Variants in GAS7 observed in about 807,000 individuals in gnomAD.
The protein encoded by GAS7 is growth arrest-specific protein 7.
In GAS7, 28 loss-of-function variants were observed where a neutral mutation model predicts 71.1. The observed-to-expected ratio is 0.39, with a 90% CI of 0.29 to 0.54. GAS7 has a LOEUF of 0.54. Among genes scored for constraint, GAS7 ranks in the 20% least tolerant of loss-of-function variants. The pLI is 0.62. For synonymous variants in GAS7, 258 were observed against 245.8 expected (o/e 1.05, Z -0.46); for missense variants, 436 against 627.8 (o/e 0.69, Z 3.27).
rs1046769083 is a variant in GAS7, at chr17:9,959,044, T to C, written c.525+158A>G. The C allele has an allele frequency of 3.0e-6, 4 of 1,328,796 alleles. No individual in the cohort carries two copies. Among genetic ancestry groups the C allele is most frequent in the Admixed American group, 2.8e-5 (1 of 35,164 alleles). The allele number at this position is 1,328,796 out of a possible 1,614,324, so 82.3% of individuals were successfully genotyped here. ...AGGAGAAGGGGAGGTGGGAGGGGCA[T>C]GTGGATGGGGAACTTGAGTGAAATC... is the stretch of plus-strand genomic sequence containing the variant. On this transcript the variant is annotated intron_variant, in intron 5 of 13. Coordinates refer to ENST00000432992, the MANE Select transcript of GAS7 (RefSeq NM_201433.2). The surrounding 1 kb of genome is among the most constrained non-coding windows in gnomAD (Gnocchi z 5.0).
chr17:10,021,917 T>G (rs931471464), intron 1 of GAS7, among the ~76,000 whole-genome samples: 1 of 152,038 alleles, frequency 6.6e-6, no homozygotes, highest in Non-Finnish European at 1.5e-5. Flanking sequence ...TTCTGTCCAA[T>G]AGGATTAGAA....
In GAS7 at chr17:9,926,560, G is replaced by A. The variant is rs1015884905; in HGVS notation, c.1014+81C>T. On this transcript the variant is annotated intron_variant, in intron 10 of 13. Coordinates refer to ENST00000432992, the MANE Select transcript of GAS7 (RefSeq NM_201433.2). The surrounding 1 kb of genome is among the most constrained non-coding windows in gnomAD (Gnocchi z 5.0). ...CAAAGACTCAGCCTTGGCGTATGGA[G>A]CCACTGCTGGCTTCCCAGTCCCCCT... 28 of 1,440,236 alleles carry A rather than the reference G, an allele frequency of 1.9e-5. No individual in the cohort carries two copies. The highest frequency in any genetic ancestry group is 2.6e-5 in the Non-Finnish European group (27 of 1,033,796). The allele number at this position is 1,440,236 out of a possible 1,614,324, so 89.2% of individuals were successfully genotyped here. A position where few individuals can be genotyped will look rare whatever the true frequency, so the allele number is the denominator to read the frequency against.
chr17:10,111,434 G>GTAGTCTC, intron 1 of GAS7, among the ~76,000 whole-genome samples: 1 of 152,272 alleles, frequency 6.6e-6, no homozygotes, highest in Admixed American at 6.5e-5. Context: ...TTGGGAGGCT[G>GTAGTCTC]AGGCAGGAGA....
chr17:10,062,897 C>T (rs1267944215), intron 1 of GAS7, among the ~76,000 whole-genome samples: 2 of 152,222 alleles, frequency 1.3e-5, no homozygotes, highest in Admixed American at 1.3e-4. Context: ...CTGTGGGTAG[C>T]CGAGCAGTCC....
chr17:10,014,674 C>T (rs1374418943), intron 2 of GAS7, among the ~76,000 whole-genome samples: 2 of 152,118 alleles, frequency 1.3e-5, no homozygotes, highest in East Asian at 1.9e-4. Flanking sequence ...CTCCCTTCCT[C>T]GAGCCCCCAG....
At chr17:10,036,641 G>A (rs931188492) in intron 1 of GAS7, 16 of 1,431,732 alleles carry the variant, frequency 1.1e-5, no homozygotes, top group African/African-American at 7.2e-5. Context: ...GCTCATTGCT[G>A]TTCTTTCACA....
intron 1 of GAS7, among the ~76,000 whole-genome samples, chr17:10,140,952 G>T (rs2074075029): frequency 6.6e-6 from 1 of 152,252 alleles, no homozygotes; most frequent in Admixed American, 6.5e-5. Flanking sequence ...AGCAGGGAGT[G>T]GGACACAGAG....
chr17:9,932,031 T>C (rs563131552), intron 9 of GAS7, among the ~76,000 whole-genome samples: 244 of 152,266 alleles, frequency 1.6e-3, no homozygotes, highest in African/African-American at 5.8e-3. Flanking sequence ...CGACCATCTC[T>C]GAGGGATGCT....
intron 1 of GAS7, among the ~76,000 whole-genome samples, chr17:10,141,476 C>G (rs112830163): frequency 0.016 from 2,489 of 152,132 alleles, 73 homozygotes; most frequent in African/African-American, 0.057. Context: ...GAATGAGTGC[C>G]TGAGCACCCC....
At chr17:10,159,316 C>G (rs748831007) in intron 1 of GAS7, among the ~76,000 whole-genome samples, 41 of 151,624 alleles carry the variant, frequency 2.7e-4, no homozygotes, top group Non-Finnish European at 5.3e-4. Context: ...AGGTGAATAC[C>G]CAACACAAAT....
intron 2 of GAS7, among the ~76,000 whole-genome samples, chr17:10,015,403 T>A (rs926245546): frequency 6.6e-6 from 1 of 152,132 alleles, no homozygotes; most frequent in African/African-American, 2.4e-5. Context: ...TTCTGGGCAC[T>A]GGGCTAGCAT....
chr17:9,992,754 C>A (rs552354269), intron 2 of GAS7, among the ~76,000 whole-genome samples: 1 of 144,682 alleles, frequency 6.9e-6, no homozygotes, highest in South Asian at 2.3e-4. Context: ...TCCCTCCCCC[C>A]TCCCCCAACC....
chr17:9,991,404 G>T (rs999135801), intron 2 of GAS7, among the ~76,000 whole-genome samples: 2 of 152,188 alleles, frequency 1.3e-5, no homozygotes, highest in Non-Finnish European at 2.9e-5. Flanking sequence ...TTGGTGGGGA[G>T]CAGGGGCTCC....
At chr17:10,009,623 G>A (rs1256410019) in intron 2 of GAS7, among the ~76,000 whole-genome samples, 1 of 146,422 alleles carries the variant, frequency 6.8e-6, no homozygotes, top group African/African-American at 2.5e-5. Context: ...AGGATTGCTT[G>A]AGCCCGGAGT....
chr17:10,172,456 G>C (rs929790780), intron 1 of GAS7, among the ~76,000 whole-genome samples: 1 of 151,878 alleles, frequency 6.6e-6, no homozygotes, highest in Admixed American at 6.6e-5. Flanking sequence ...GCAGAGGAAA[G>C]AAGAAAGGAA....
At chr17:10,052,557 G>A (rs1280380739) in intron 1 of GAS7, among the ~76,000 whole-genome samples, 1 of 152,238 alleles carries the variant, frequency 6.6e-6, no homozygotes, top group Non-Finnish European at 1.5e-5. Context: ...GCTGTGAGCA[G>A]TTTTGTTTTT....
chr17:10,062,054 A>C (rs887121757), intron 1 of GAS7, among the ~76,000 whole-genome samples: 7 of 152,206 alleles, frequency 4.6e-5, no homozygotes. Flanking sequence ...AGACACACTG[A>C]CCAGGCTTCA....
chr17:9,968,515 G>A (rs1211522224), intron 4 of GAS7, among the ~76,000 whole-genome samples: 8 of 152,266 alleles, frequency 5.3e-5, no homozygotes, highest in Non-Finnish European at 1.0e-4. Flanking sequence ...GAACTGAATC[G>A]AAGCCCAACA....
intron 1 of GAS7, among the ~76,000 whole-genome samples, chr17:10,126,175 T>C (rs138541101): frequency 3.3e-5 from 5 of 152,284 alleles, no homozygotes; most frequent in East Asian, 1.9e-4. Context: ...AAGGGTTAAA[T>C]GGGGGAGTCG....
Sources: gnomAD v4.1 joint callset for allele counts (sites outside exome capture counted in the v4.1 genomes callset) on GRCh38, gnomAD v4.1.1 for gene constraint, Gnocchi (gnomAD v3.1) non-coding constraint, MANE v1.5 for transcripts, NCBI Gene and HGNC (gene_info 2026-07-23, HGNC 2026-07-21) for gene names.